DPYD: variants seen among roughly 807,000 people sequenced by gnomAD.
DPYD encodes the protein dihydropyrimidine dehydrogenase [NADP(+)].
DPYD carries 109 observed loss-of-function variants against 116.2 expected under a neutral mutation model. The observed-to-expected ratio is 0.94, with a 90% CI of 0.80 to 1.10. The LOEUF (loss-of-function observed/expected upper bound fraction) is 1.10, where lower values mean the gene tolerates loss of function less well. Ranked by LOEUF, DPYD falls within the 50% of genes least tolerant of loss-of-function variation. The probability of loss-of-function intolerance (pLI) is 0.00; values close to 1 mark genes in which losing one functional copy is unlikely to be tolerated. For missense variants in DPYD, 1,302 were observed against 1,254.5 expected (o/e 1.04, Z -0.57); for synonymous variants, 440 against 432.0 (o/e 1.02, Z -0.23).
At chr1:97,331,998 G>A (rs1427579424) in intron 16 of DPYD, among the ~76,000 whole-genome samples, 5 of 152,136 alleles carry the variant, frequency 3.3e-5, no homozygotes, top group East Asian at 3.9e-4. Context: ...TATTTCTCTC[G>A]TATTCAAGGT....
intron 3 of DPYD, chr1:97,797,039 A>T (rs1283737893): frequency 6.6e-6 from 1 of 152,174 alleles, no homozygotes; most frequent in Admixed American, 6.6e-5. Flanking sequence ...ACTGTCCATT[A>T]TCTGTTGACT....
chr1:97,620,898 G>A (rs1368276896), intron 8 of DPYD, among the ~76,000 whole-genome samples: 4 of 151,980 alleles, frequency 2.6e-5, no homozygotes, highest in African/African-American at 9.7e-5. Context: ...TCGATAATTA[G>A]ATAATGCTTT....
chr1:97,192,658 A>G (rs1658454843), intron 20 of DPYD, among the ~76,000 whole-genome samples: 1 of 152,168 alleles, frequency 6.6e-6, no homozygotes, highest in Non-Finnish European at 1.5e-5. Flanking sequence ...TACTGATTAG[A>G]TTTTAATTTT....
At chr1:97,505,379 C>G (rs1647243554) in intron 13 of DPYD, among the ~76,000 whole-genome samples, 1 of 151,684 alleles carries the variant, frequency 6.6e-6, no homozygotes, top group African/African-American at 2.4e-5. Context: ...GCTCGGTTCT[C>G]TCATGACCGT....
chr1:97,429,606 G>T (rs1353545039), intron 14 of DPYD, among the ~76,000 whole-genome samples: 4 of 151,906 alleles, frequency 2.6e-5, no homozygotes, highest in African/African-American at 9.7e-5. Context: ...TATTTTTTAT[G>T]ATTAGTTTCC....
intron 2 of DPYD, among the ~76,000 whole-genome samples, chr1:97,858,991 G>A (rs1039257339): frequency 4.0e-5 from 6 of 151,712 alleles, no homozygotes; most frequent in Middle Eastern, 3.4e-3. Flanking sequence ...AATTTTACTC[G>A]GTTTTCAAAT....
chr1:97,135,382 C>T (rs553448649), intron 20 of DPYD, among the ~76,000 whole-genome samples: 11 of 152,126 alleles, frequency 7.2e-5, no homozygotes, highest in Non-Finnish European at 1.6e-4. Flanking sequence ...TTTATCAGAC[C>T]ATGAGAGCTA....
At chr1:97,599,641 T>A (rs896747297) in intron 8 of DPYD, among the ~76,000 whole-genome samples, 1 of 151,496 alleles carries the variant, frequency 6.6e-6, no homozygotes, top group Non-Finnish European at 1.5e-5. Context: ...TCTTTGGAGA[T>A]AGACTCACAA....
At chr1:97,897,961 G>T (rs1181783729) in intron 1 of DPYD, among the ~76,000 whole-genome samples, 1 of 151,644 alleles carries the variant, frequency 6.6e-6, no homozygotes, top group Non-Finnish European at 1.5e-5. Context: ...TCCTATAAAT[G>T]TTTTTGAGTT....
chr1:97,757,929 T>A (rs1384805739), intron 3 of DPYD, among the ~76,000 whole-genome samples: 2 of 152,172 alleles, frequency 1.3e-5, no homozygotes, highest in African/African-American at 4.8e-5. Flanking sequence ...ATAAGGCAGC[T>A]TGGCGCTAAC....
intron 20 of DPYD, among the ~76,000 whole-genome samples, chr1:97,125,294 A>G (rs1329376099): frequency 6.6e-6 from 1 of 152,134 alleles, no homozygotes; most frequent in Non-Finnish European, 1.5e-5. Context: ...TCTTGTTTTC[A>G]AAAGACTATC....
chr1:97,199,315 A>T (rs1355345792), intron 19 of DPYD, among the ~76,000 whole-genome samples: 2 of 152,116 alleles, frequency 1.3e-5, no homozygotes, highest in Non-Finnish European at 2.9e-5. Flanking sequence ...TTAAGTTAAG[A>T]GGCTGAGAGC....
intron 20 of DPYD, among the ~76,000 whole-genome samples, chr1:97,148,999 A>G (rs1191044433): frequency 6.6e-6 from 1 of 152,222 alleles, no homozygotes; most frequent in Non-Finnish European, 1.5e-5. Context: ...GGAAAGGTAA[A>G]GGTAAATGTT....
chr1:97,497,218 T>C (rs1679317263), intron 13 of DPYD, among the ~76,000 whole-genome samples: 2 of 151,968 alleles, frequency 1.3e-5, no homozygotes, highest in Admixed American at 1.3e-4. Context: ...CTTCTAATTC[T>C]GTATGTTTTG....
At chr1:97,567,873 TC>T (rs201255709) in intron 11 of DPYD, among the ~76,000 whole-genome samples, 3,271 of 59,208 alleles carry the variant, frequency 0.055, 97 homozygotes, top group Admixed American at 0.22. Context: ...AATGGAGATT[TC>T]TTTTTTTTTT....
intron 8 of DPYD, among the ~76,000 whole-genome samples, chr1:97,630,421 T>G (rs1259048788): frequency 6.6e-6 from 1 of 152,060 alleles, no homozygotes. Flanking sequence ...TCTCTAATGC[T>G]GTTTCTAGCT....
chr1:97,547,012 G>A, intron 12 of DPYD: 2 of 1,545,720 alleles, frequency 1.3e-6, no homozygotes, highest in Non-Finnish European at 1.8e-6. Flanking sequence ...GCAATTTTTT[G>A]CTGTTTTGGA....
chr1:97,774,962 C>T (rs543203630), intron 3 of DPYD: 3 of 342,582 alleles, frequency 8.8e-6, no homozygotes, highest in South Asian at 5.5e-5. Flanking sequence ...CACCTCACTG[C>T]ATGCCAAACT....
intron 20 of DPYD, among the ~76,000 whole-genome samples, chr1:97,174,202 A>G (rs1268856309): frequency 6.6e-6 from 1 of 152,148 alleles, no homozygotes; most frequent in Non-Finnish European, 1.5e-5. Context: ...AATCAATTTA[A>G]GGTTCTGTTC....
Sources: gnomAD v4.1 joint callset for allele counts (sites outside exome capture counted in the v4.1 genomes callset) on GRCh38, gnomAD v4.1.1 for gene constraint, MANE v1.5 for transcripts, NCBI Gene and HGNC (gene_info 2026-07-23, HGNC 2026-07-21) for gene names.